Variants in C11orf97 observed in about 807,000 individuals in gnomAD.
C11orf97 encodes the protein chromosome 11 open reading frame 97.
A neutral mutation model predicts 16.2 loss-of-function variants in C11orf97; 15 were observed. The ratio of observed to expected loss-of-function variants is 0.93; its 90% CI spans 0.62 to 1.43. The LOEUF (loss-of-function observed/expected upper bound fraction) is 1.43, where lower values mean the gene tolerates loss of function less well. Among genes scored for constraint, C11orf97 ranks in the 40% most tolerant of loss-of-function variants. The pLI, the probability that C11orf97 is intolerant of heterozygous loss-of-function variation, is 0.00. For synonymous variants in C11orf97, 61 were observed against 65.7 expected (o/e 0.93, Z 0.34); for missense variants, 171 against 161.2 (o/e 1.06, Z -0.33).
chr11:94,527,948 G>C (rs1947711665), intron 2 of C11orf97, 136 bp from the exon 3 acceptor site: 1 of 724,488 alleles, frequency 1.4e-6, no homozygotes, highest in Non-Finnish European at 2.1e-6. Flanking sequence ...ATAAAGATTT[G>C]AGTGGTTTGA....
At chr11:94,531,003 T>C (rs908419812) in intron 3 of C11orf97, among the ~76,000 whole-genome samples, 13 of 152,208 alleles carry the variant, frequency 8.5e-5, no homozygotes, top group African/African-American at 3.1e-4. Flanking sequence ...TTCTTCTCTC[T>C]TTCTCATGAA....
At chr11:94,531,773 G>A in intron 3 of C11orf97, 123 bp from the exon 4 acceptor site, 1 of 711,918 alleles carries the variant, frequency 1.4e-6, no homozygotes, top group Non-Finnish European at 2.1e-6. Flanking sequence ...ACATGGGTGT[G>A]GCTCTTACAT....
chr11:94,519,199 C>T (rs575221692), intron 2 of C11orf97, among the ~76,000 whole-genome samples: 7 of 152,280 alleles, frequency 4.6e-5, no homozygotes, highest in East Asian at 3.9e-4. Context: ...TGAGCCACCA[C>T]GCCCGGCCCC....
chr11:94,528,064 G>T lies in C11orf97; in HGVS notation c.251-20G>T. 6.6e-7 allele frequency: 1 copy of T among 1,512,618 alleles called. No homozygotes were observed. The highest frequency in any genetic ancestry group is 8.8e-7 in the Non-Finnish European group (1 of 1,136,842). The allele number at this position is 1,512,618 out of a possible 1,614,324, so 93.7% of individuals were successfully genotyped here. A position where few individuals can be genotyped will look rare whatever the true frequency, so the allele number is the denominator to read the frequency against. ...AGAATACGCTAATAATTATTTTCTT[G>T]CCTTAAAAAATATTGACAGTGGCCC... is the stretch of plus-strand genomic sequence containing the variant. On this transcript the variant is annotated intron_variant, in intron 2 of 3. Coordinates refer to ENST00000542198, the MANE Select transcript of C11orf97 (RefSeq NM_001190462.2).
rs149206764 is a variant in C11orf97, at chr11:94,518,690, A to G, written c.250+1003A>G. ...TTCCTTCTCAACGATTACTAGATGCATATTTCATGCTCTCAAATCATCAGA... is the reference window on the plus strand; with the variant it reads ...TTCCTTCTCAACGATTACTAGATGCGTATTTCATGCTCTCAAATCATCAGA... On this transcript the variant is annotated intron_variant, in intron 2 of 3. Coordinates refer to ENST00000542198, the MANE Select transcript of C11orf97 (RefSeq NM_001190462.2). Among the ~76,000 whole-genome samples, 28 of 152,336 alleles carry G rather than the reference A, an allele frequency of 1.8e-4. No individual in the cohort carries two copies. In the East Asian group the frequency reaches 3.3e-3, roughly 18 times the overall value.
intron 2 of C11orf97, among the ~76,000 whole-genome samples, chr11:94,526,428 A>T (rs1191591329): frequency 3.9e-5 from 6 of 152,170 alleles, no homozygotes; most frequent in African/African-American, 1.4e-4. Flanking sequence ...TTTCTCTGTG[A>T]CATTCTTGTG....
chr11:94,521,431 A>T (rs113211837), intron 2 of C11orf97, among the ~76,000 whole-genome samples: 3 of 152,232 alleles, frequency 2.0e-5, no homozygotes, highest in Non-Finnish European at 4.4e-5. Flanking sequence ...CTAGTTAGCC[A>T]TTCTAATGTA....
At chr11:94,516,206 T>G (rs1947610325) in intron 1 of C11orf97, among the ~76,000 whole-genome samples, 1 of 152,194 alleles carries the variant, frequency 6.6e-6, no homozygotes, top group Admixed American at 6.5e-5. Context: ...TTTGCCAGTC[T>G]GCATCCCCGT....
At chr11:94,517,877 C>T (rs1047098834) in intron 2 of C11orf97, among the ~76,000 whole-genome samples, 190 bp downstream of exon 2, 1 of 151,746 alleles carries the variant, frequency 6.6e-6, no homozygotes, top group Admixed American at 6.6e-5. Flanking sequence ...GGGCTGGGCA[C>T]GGTGGCTCAC....
At chr11:94,529,721 C>T (rs1947724606) in intron 3 of C11orf97, among the ~76,000 whole-genome samples, 1 of 152,202 alleles carries the variant, frequency 6.6e-6, no homozygotes, top group Admixed American at 6.5e-5. Flanking sequence ...GGCAGAGAAT[C>T]TAGTCACTGT....
chr11:94,532,004 AT>A lies in C11orf97; in HGVS notation c.*105del, dbSNP rs1228942478. 1.0e-4 allele frequency: 95 copies of A among 908,022 alleles called. No homozygotes were observed. The highest frequency in any genetic ancestry group is 2.4e-4 in the Middle Eastern group (1 of 4,190). 56.2% of individuals were successfully genotyped at this position (908,022 alleles called of 1,614,324 possible). On this transcript the variant is annotated 3_prime_UTR_variant, in exon 4 of 4. Transcript: ENST00000542198. ...CAGGATTTAAGATGTGTGCAAAAAA[AT>A]GATAGCCTGTAATTACTATTATTGG...
intron 1 of C11orf97, among the ~76,000 whole-genome samples, chr11:94,516,169 C>T (rs1379502234): frequency 1.3e-5 from 2 of 152,112 alleles, no homozygotes; most frequent in Non-Finnish European, 2.9e-5. Flanking sequence ...GGATCACTGC[C>T]GGAAGCAGCA....
intron 1 of C11orf97, among the ~76,000 whole-genome samples, chr11:94,516,040 A>G (rs542009286): frequency 6.6e-6 from 1 of 152,310 alleles, no homozygotes; most frequent in East Asian, 1.9e-4. Flanking sequence ...TGCTGATCCC[A>G]TATTTTATTC....
At chr11:94,519,467 T>C (rs1207453736) in intron 2 of C11orf97, among the ~76,000 whole-genome samples, 1 of 152,208 alleles carries the variant, frequency 6.6e-6, no homozygotes, top group Non-Finnish European at 1.5e-5. Flanking sequence ...TCTGGATTTA[T>C]CTTCATTGTT....
intron 2 of C11orf97, among the ~76,000 whole-genome samples, chr11:94,519,851 A>G (rs1345060934): frequency 1.3e-5 from 2 of 152,234 alleles, no homozygotes; most frequent in African/African-American, 4.8e-5. Context: ...TAGCATCTAG[A>G]GAGGGTGCCA....
intron 3 of C11orf97, among the ~76,000 whole-genome samples, chr11:94,528,562 A>G (rs1175497695): frequency 6.6e-6 from 1 of 152,164 alleles, no homozygotes. Context: ...TTTGTTTCCC[A>G]GTGGAAATGA....
rs1335679178 is a variant in C11orf97, at chr11:94,512,563, TG to T, written c.37del (p.Val13TrpfsTer31). The T allele has an allele frequency of 4.6e-6, 6 of 1,310,472 alleles. No homozygotes were observed. The East Asian group carries it at 1.9e-4, about 41-fold the overall frequency. The allele number at this position is 1,310,472 out of a possible 1,614,324, so 81.2% of individuals were successfully genotyped here. ...TGEEAVVVTA[V>X]VAPKAGREEE... Reference sequence around the variant, plus strand: ...GAGGAGGCGGTGGTGGTGACCGCAGTGGTGGCGCCCAAGGCGGGTCGCGAAG... The same window carrying T: ...GAGGAGGCGGTGGTGGTGACCGCAGTGTGGCGCCCAAGGCGGGTCGCGAAG... On this transcript the variant is annotated frameshift_variant, in exon 1 of 4. Coordinates refer to ENST00000542198, the MANE Select transcript of C11orf97 (RefSeq NM_001190462.2). LOFTEE classifies it high-confidence loss of function.
At chr11:94,513,594 G>A (rs1947585682) in intron 1 of C11orf97, among the ~76,000 whole-genome samples, 1 of 152,174 alleles carries the variant, frequency 6.6e-6, no homozygotes, top group African/African-American at 2.4e-5. Context: ...CCATACTTGT[G>A]CTTGGTGGAC....
In C11orf97 at chr11:94,524,991, G is replaced by A. The variant is rs1014003988; in HGVS notation, c.251-3093G>A. Reference sequence around the variant, plus strand: ...GGAGAATTGCTTGAACCCAGGAGGCGAATGTTGCAGTGGGCCGAGATCTCA... The same window carrying A: ...GGAGAATTGCTTGAACCCAGGAGGCAAATGTTGCAGTGGGCCGAGATCTCA... On this transcript the variant is annotated intron_variant, in intron 2 of 3. Transcript: ENST00000542198. Among the ~76,000 whole-genome samples, 8 of 146,102 alleles carry A rather than the reference G, an allele frequency of 5.5e-5. No individual in the cohort carries two copies. The East Asian group carries it at 6.1e-4, about 11-fold the overall frequency.
Sources: gnomAD v4.1 joint callset for allele counts (sites outside exome capture counted in the v4.1 genomes callset) on GRCh38, gnomAD v4.1.1 for gene constraint, MANE v1.5 for transcripts, NCBI Gene and HGNC (gene_info 2026-07-23, HGNC 2026-07-21) for gene names.